The following HTR3B variants were observed in gnomAD, a reference collection of about 807,000 sequenced individuals.
The protein encoded by HTR3B is 5-hydroxytryptamine (serotonin) receptor 3B, ionotropic.
In HTR3B, 44 loss-of-function variants were observed where a neutral mutation model predicts 42.8. The ratio of observed to expected loss-of-function variants is 1.03; its 90% CI spans 0.81 to 1.32. The LOEUF is 1.32. Ranked by LOEUF, HTR3B falls within the 40% of genes most tolerant of loss-of-function variation. HTR3B has a pLI of 0.00. For synonymous variants in HTR3B, 203 were observed against 209.0 expected (o/e 0.97, Z 0.25); for missense variants, 527 against 536.5 (o/e 0.98, Z 0.17).
At chr11:113,940,779 C>T (rs1433896415) in intron 6 of HTR3B, among the ~76,000 whole-genome samples, 2 of 152,184 alleles carry the variant, frequency 1.3e-5, no homozygotes, top group Non-Finnish European at 2.9e-5. Context: ...AGCTCTTCTC[C>T]CGGCACCTCC....
chr11:113,904,905 C>T lies in HTR3B; in HGVS notation c.-29C>T, dbSNP rs1435127152. ...GCATTCCATCTGGTAGGCAAGTTTG[C>T]ATTTCTCCTTTTTGGGATCTGCCCA... On this transcript the variant is annotated 5_prime_UTR_variant, in exon 1 of 9. Transcript: ENST00000260191. The T allele has an allele frequency of 6.2e-7, 1 of 1,601,824 alleles. No homozygotes were observed. Among genetic ancestry groups the T allele is most frequent in the Non-Finnish European group, 8.6e-7 (1 of 1,169,132 alleles).
upstream of HTR3B, among the ~76,000 whole-genome samples, chr11:113,903,530 A>G (rs2137478146): frequency 6.7e-6 from 1 of 149,818 alleles, no homozygotes; most frequent in South Asian, 2.1e-4. Flanking sequence ...CCTGATTCAA[A>G]CAATTCCCCT....
rs1221455931 is a variant in HTR3B, at chr11:113,905,415, T to C, written c.52+430T>C. On this transcript the variant is annotated intron_variant, in intron 1 of 8. Transcript: ENST00000260191. ...TTAGCAGCCCAGAGAAAAAGTCCAC[T>C]AGATTTGTCATGGCTACAGATATAT... Among the ~76,000 whole-genome samples, 3 of 152,222 alleles carry C rather than the reference T, an allele frequency of 2.0e-5. No individual in the cohort carries two copies. In the East Asian group the frequency reaches 5.8e-4, roughly 29 times the overall value.
At chr11:113,910,626 AG>A (rs1186888732) in intron 2 of HTR3B, among the ~76,000 whole-genome samples, 1 of 151,090 alleles carries the variant, frequency 6.6e-6, no homozygotes, top group Non-Finnish European at 1.5e-5. Context: ...TTTTTAGTAG[AG>A]ACGGGGTTTC....
chr11:113,942,416 G>A (rs1950143243), intron 6 of HTR3B, among the ~76,000 whole-genome samples: 1 of 152,136 alleles, frequency 6.6e-6, no homozygotes, highest in African/African-American at 2.4e-5. Flanking sequence ...CTGAGATCGC[G>A]CCATTGCACT....
chr11:113,920,556 T>A (rs12273321), intron 2 of HTR3B, among the ~76,000 whole-genome samples: 29,643 of 151,696 alleles, frequency 0.2, 3,039 homozygotes, highest in South Asian at 0.29. Flanking sequence ...GTATTTTTAG[T>A]AGAGACGGGG....
chr11:113,926,622 G>A (rs554125022), intron 2 of HTR3B, among the ~76,000 whole-genome samples: 69 of 151,650 alleles, frequency 4.5e-4, no homozygotes, highest in Admixed American at 9.2e-4. Flanking sequence ...TTCAGCTCCC[G>A]GGTTCAAGTG....
upstream of HTR3B, among the ~76,000 whole-genome samples, chr11:113,903,611 T>C (rs1337449005): frequency 1.3e-5 from 2 of 151,818 alleles, no homozygotes. Context: ...GTAGTTTCAG[T>C]AGAGATGGGG....
At chr11:113,932,604 G>A in intron 5 of HTR3B, 146 bp downstream of exon 5, 1 of 736,304 alleles carries the variant, frequency 1.4e-6, no homozygotes, top group Non-Finnish European at 2.2e-6. Context: ...GGCTCCTGCT[G>A]TAATCCAGAC....
intron 2 of HTR3B, among the ~76,000 whole-genome samples, chr11:113,917,382 C>T (rs1283210524): frequency 6.6e-6 from 1 of 152,074 alleles, no homozygotes; most frequent in Non-Finnish European, 1.5e-5. Flanking sequence ...ATCCACCCAC[C>T]TTGGCCTCCC....
chr11:113,934,216 A>G (rs962046406), intron 6 of HTR3B, among the ~76,000 whole-genome samples: 7 of 152,110 alleles, frequency 4.6e-5, no homozygotes, highest in Admixed American at 2.6e-4. Context: ...GCAAAACCCC[A>G]TCTTTACTAA....
In HTR3B at chr11:113,931,756, A is replaced by G; in HGVS notation, c.259-2A>G. The stretch of plus-strand genomic sequence containing the variant: ...AGTTTTCTTTTTGGCTACTACTAAC[A>G]GGTCTGGAATGATGAATTTTTATCC... On this transcript the variant is annotated splice_acceptor_variant, in intron 3 of 8. Transcript: ENST00000260191. LOFTEE classifies it high-confidence loss of function. 6.3e-7 allele frequency: 1 copy of G among 1,577,376 alleles called. No individual in the cohort carries two copies. Among genetic ancestry groups the G allele is most frequent in the South Asian group, 1.1e-5 (1 of 90,208 alleles).
At chr11:113,945,431 C>T (rs754864697) in intron 8 of HTR3B, among the ~76,000 whole-genome samples, 6 of 152,178 alleles carry the variant, frequency 3.9e-5, no homozygotes, top group Non-Finnish European at 8.8e-5. Flanking sequence ...CTACCGCACC[C>T]AGCCTATTTG....
intron 2 of HTR3B, among the ~76,000 whole-genome samples, chr11:113,910,065 A>G (rs1439827979): frequency 6.6e-6 from 1 of 152,062 alleles, no homozygotes. Flanking sequence ...AACCAAAAAC[A>G]GTAATAGGTA....
intron 2 of HTR3B, among the ~76,000 whole-genome samples, chr11:113,916,139 A>G (rs1316809201): frequency 6.6e-6 from 1 of 152,232 alleles, no homozygotes; most frequent in Non-Finnish European, 1.5e-5. Context: ...GCCCGGCCCA[A>G]TCTTTAAAAT....
At chr11:113,933,898 A>G (rs61907917) in intron 6 of HTR3B, among the ~76,000 whole-genome samples, 8,060 of 152,256 alleles carry the variant, frequency 0.053, 275 homozygotes, top group African/African-American at 0.081. Flanking sequence ...AAAGTCAGCT[A>G]GTGGTGGTGG....
upstream of HTR3B, among the ~76,000 whole-genome samples, chr11:113,903,141 G>A (rs1346195947): frequency 2.0e-5 from 3 of 151,980 alleles, no homozygotes; most frequent in Admixed American, 6.6e-5. Flanking sequence ...AAAGTACTGG[G>A]ATTACAGGTA....
At position 113,929,205 on chromosome 11, in the gene HTR3B, G is replaced by A. The variant is rs201206129; in HGVS notation, c.214-2179G>A. Among the ~76,000 whole-genome samples, 11 of 152,250 alleles carry A rather than the reference G, an allele frequency of 7.2e-5. No homozygotes were observed. The East Asian group carries it at 1.2e-3, about 16-fold the overall frequency. ...ATTTTCTGCTTTTTAAAAAACAGTCGCCATTCTAATGAGTGTGAGTTTGTA... is the reference window on the plus strand; with the variant it reads ...ATTTTCTGCTTTTTAAAAAACAGTCACCATTCTAATGAGTGTGAGTTTGTA... On this transcript the variant is annotated intron_variant, in intron 2 of 8. Coordinates refer to ENST00000260191, the MANE Select transcript of HTR3B (RefSeq NM_006028.5).
intron 6 of HTR3B, among the ~76,000 whole-genome samples, chr11:113,941,982 CA>C (rs1332479613): frequency 1.3e-5 from 2 of 152,182 alleles, no homozygotes; most frequent in African/African-American, 4.8e-5. Context: ...TTCAAACTTC[CA>C]AATTTAATTG....
Sources: allele counts gnomAD v4.1 joint callset (sites outside exome capture counted in the v4.1 genomes callset), GRCh38; gene constraint gnomAD v4.1.1; transcripts MANE v1.5; gene names NCBI Gene and HGNC (gene_info 2026-07-23, HGNC 2026-07-21).